The following KIAA1549L variants were observed in gnomAD, a reference collection of about 807,000 sequenced individuals.
KIAA1549L encodes KIAA1549 like.
Under a neutral mutation model 160.7 loss-of-function variants are expected in KIAA1549L, and 88 were observed. That is an observed-to-expected ratio of 0.55 (90% confidence interval 0.46 to 0.65). The LOEUF is 0.65. KIAA1549L is among the 30% of genes least tolerant of loss of function. KIAA1549L has a pLI of 0.00. For synonymous variants in KIAA1549L, 950 were observed against 976.7 expected (o/e 0.97, Z 0.51); for missense variants, 2,258 against 2,437.5 (o/e 0.93, Z 1.55).
chr11:33,506,354 C>G (rs2756274), intron 1 of KIAA1549L, among the ~76,000 whole-genome samples: 108,917 of 152,094 alleles, frequency 0.72, 39,695 homozygotes, highest in African/African-American at 0.86. Context: ...GCAAGGCGCT[C>G]GAGTTAGAAA....
intron 8 of KIAA1549L, among the ~76,000 whole-genome samples, chr11:33,562,364 C>T (rs1375813478): frequency 6.6e-6 from 1 of 152,132 alleles, no homozygotes; most frequent in Non-Finnish European, 1.5e-5. Context: ...GCCAGCCTAG[C>T]CAGGAAGGAG....
chr11:33,432,271 G>A (rs1046310351), intron 1 of KIAA1549L, among the ~76,000 whole-genome samples: 1 of 152,208 alleles, frequency 6.6e-6, no homozygotes, highest in South Asian at 2.1e-4. Context: ...GAGAGCAAAC[G>A]AGGGCTGTGA....
chr11:33,555,699 C>T (rs1371938588), intron 6 of KIAA1549L, among the ~76,000 whole-genome samples: 2 of 152,194 alleles, frequency 1.3e-5, no homozygotes, highest in East Asian at 1.9e-4. Flanking sequence ...TATCTAAAAC[C>T]GTAGGACTTT....
rs574118968 is a variant in KIAA1549L at position 33,671,725 on chromosome 11, T to G, written c.*3571T>G. The stretch of plus-strand genomic sequence containing the variant: ...AGAAATGGATCAAAAGATTTAAACA[T>G]TGATTACATATAAACGAGTTTCCTT... On this transcript the variant is annotated 3_prime_UTR_variant, in exon 21 of 21. Transcript: ENST00000658780. 8.5e-5 allele frequency: 13 copies of G among 152,302 alleles called. No individual in the cohort carries two copies. Among genetic ancestry groups the G allele is most frequent in the African/African-American group, 3.1e-4 (13 of 41,564 alleles). The allele number at this position is 152,302 out of a possible 1,614,324, so 9.4% of individuals were successfully genotyped here. A position where few individuals can be genotyped will look rare whatever the true frequency, so the allele number is the denominator to read the frequency against.
intron 1 of KIAA1549L, among the ~76,000 whole-genome samples, chr11:33,497,957 T>C (rs1331092619): frequency 6.6e-6 from 1 of 152,162 alleles, no homozygotes; most frequent in Non-Finnish European, 1.5e-5. Context: ...CTTGGAAAAC[T>C]TACTGGAGTT....
At chr11:33,487,396 A>G (rs970339040) in intron 1 of KIAA1549L, among the ~76,000 whole-genome samples, 3 of 113,372 alleles carry the variant, frequency 2.6e-5, no homozygotes, top group Admixed American at 9.0e-5. Context: ...ACCATGGTCT[A>G]TTGTTCTTTT....
At chr11:33,503,576 G>A (rs1389101719) in intron 1 of KIAA1549L, among the ~76,000 whole-genome samples, 1 of 152,150 alleles carries the variant, frequency 6.6e-6, no homozygotes, top group Non-Finnish European at 1.5e-5. Context: ...TTACCTCAAA[G>A]TTCTTTTAAA....
intron 16 of KIAA1549L, among the ~76,000 whole-genome samples, chr11:33,620,683 C>T (rs1248373568): frequency 1.3e-5 from 2 of 152,134 alleles, no homozygotes; most frequent in African/African-American, 2.4e-5. Flanking sequence ...CCTTAACCAC[C>T]ATGCAATATG....
chr11:33,424,772 A>C (rs1175819519), intron 1 of KIAA1549L, among the ~76,000 whole-genome samples: 1 of 152,206 alleles, frequency 6.6e-6, no homozygotes. Context: ...TTCAAGTTTT[A>C]AATACAGAGT....
intron 16 of KIAA1549L, among the ~76,000 whole-genome samples, chr11:33,645,295 A>T (rs1001882987): frequency 6.6e-6 from 1 of 152,052 alleles, no homozygotes; most frequent in African/African-American, 2.4e-5. Context: ...CTAGAATGCT[A>T]CCCCTCCAGG....
Position 33,543,262 on chromosome 11 carries a change from G to A in KIAA1549L, c.1699G>A (p.Ala567Thr). Reference sequence around the variant, plus strand: ...CCGGTGGAAAAAGGACAGTGTGACAGCCATTTTAGGGAAGAATGAAGAGGC... The same window carrying A: ...CCGGTGGAAAAAGGACAGTGTGACAACCATTTTAGGGAAGAATGAAGAGGC... ...FPRWKKDSVT[A>T]ILGKNEEANV... Residue 567 changes from alanine to threonine, a missense_variant, in exon 2 of 21, where the codon GCC becomes ACC. By Grantham distance (58) the Ala-to-Thr change is moderately conservative. Transcript: ENST00000658780. 6.2e-7 allele frequency: 1 copy of A among 1,614,028 alleles called. No individual in the cohort carries two copies. The highest frequency in any genetic ancestry group is 8.5e-7 in the Non-Finnish European group (1 of 1,179,902).
chr11:33,509,731 C>G (rs1280499781), intron 1 of KIAA1549L, among the ~76,000 whole-genome samples: 4 of 152,148 alleles, frequency 2.6e-5, no homozygotes, highest in Non-Finnish European at 5.9e-5. Flanking sequence ...GAAGCATACA[C>G]CTGCCGCTGC....
intron 1 of KIAA1549L, among the ~76,000 whole-genome samples, chr11:33,435,576 A>G (rs1289496513): frequency 1.3e-5 from 2 of 151,302 alleles, no homozygotes; most frequent in South Asian, 2.1e-4. Flanking sequence ...TACATATTTT[A>G]TGGTTTTTCT....
intron 20 of KIAA1549L, among the ~76,000 whole-genome samples, chr11:33,666,942 T>C (rs185126299): frequency 6.2e-4 from 95 of 152,344 alleles, no homozygotes; most frequent in Non-Finnish European, 1.0e-4. Context: ...TGGAAAACCC[T>C]TAGCAAAGGG....
chr11:33,458,134 A>G (rs181847917), intron 1 of KIAA1549L, among the ~76,000 whole-genome samples: 96 of 152,282 alleles, frequency 6.3e-4, no homozygotes, highest in Middle Eastern at 3.4e-3. Flanking sequence ...CAGCATTTCC[A>G]TTAGTGAGAG....
intron 11 of KIAA1549L, among the ~76,000 whole-genome samples, chr11:33,583,851 C>G (rs1329606147): frequency 6.6e-6 from 1 of 152,324 alleles, no homozygotes; most frequent in African/African-American, 2.4e-5. Flanking sequence ...CAGACTCCCT[C>G]CTTTCACCCA....
intron 16 of KIAA1549L, among the ~76,000 whole-genome samples, chr11:33,644,812 C>T (rs1851672945): frequency 6.6e-6 from 1 of 152,258 alleles, no homozygotes; most frequent in Non-Finnish European, 1.5e-5. Flanking sequence ...CTTCTGTGTT[C>T]TTGCACCTTG....
At chr11:33,649,527 AG>A (rs562412075) in intron 17 of KIAA1549L, among the ~76,000 whole-genome samples, 1 of 142,186 alleles carries the variant, frequency 7.0e-6, no homozygotes, top group African/African-American at 2.6e-5. Context: ...AAAAAAAAAA[AG>A]AAGCAGCAGC....
At chr11:33,486,997 G>GTTCTT (rs1391200633) in intron 1 of KIAA1549L, among the ~76,000 whole-genome samples, 1 of 152,154 alleles carries the variant, frequency 6.6e-6, no homozygotes, top group Non-Finnish European at 1.5e-5. Flanking sequence ...CAGAGCCTGT[G>GTTCTT]TACATGATGA....
Sources: gnomAD v4.1 joint callset for allele counts (sites outside exome capture counted in the v4.1 genomes callset) on GRCh38, gnomAD v4.1.1 for gene constraint, MANE v1.5 for transcripts, NCBI Gene and HGNC (gene_info 2026-07-23, HGNC 2026-07-21) for gene names.